The following TPST2 variants were observed in gnomAD, a reference collection of about 807,000 sequenced individuals.
TPST2 encodes the protein tyrosylprotein sulfotransferase 2, also known as protein-tyrosine sulfotransferase 2.
TPST2 carries 16 observed loss-of-function variants against 27.8 expected under a neutral mutation model. The ratio of observed to expected loss-of-function variants is 0.58; its 90% CI spans 0.39 to 0.88. TPST2 has a LOEUF of 0.88. TPST2 is among the 40% of genes least tolerant of loss of function. TPST2 has a pLI of 0.00. For synonymous variants in TPST2, 229 were observed against 231.7 expected (o/e 0.99, Z 0.10); for missense variants, 464 against 543.1 (o/e 0.85, Z 1.45).
At position 26,540,848 on chromosome 22, in the gene TPST2, G is replaced by A. The variant is rs760020260; in HGVS notation, c.783C>T (p.Ser261=). The part of the protein sequence containing the change: ...LILDFLGIAW[S]DAVLHHEDLI... ...GGTCTTCATGGTGGAGGACAGCGTC[G>A]CTCCAGGCGATGCCGAGGAAGTCGA... is the stretch of plus-strand genomic sequence containing the variant. Residue 261 remains serine (S), a synonymous_variant, in exon 3 of 7, where the codon AGC becomes AGT. Coordinates refer to ENST00000338754, the MANE Select transcript of TPST2 (RefSeq NM_003595.5). 18 of 1,613,674 alleles carry A rather than the reference G, an allele frequency of 1.1e-5. No homozygotes were observed. Among genetic ancestry groups the A allele is most frequent in the African/African-American group, 4.0e-5 (3 of 75,052 alleles).
chr22:26,589,124 G>C (rs1392629747), intron 1 of TPST2, among the ~76,000 whole-genome samples: 1 of 152,124 alleles, frequency 6.6e-6, no homozygotes, highest in Non-Finnish European at 1.5e-5. Context: ...GTGAGTTTCA[G>C]CTCTGCCACA....
chr22:26,542,769 G>A (rs976980957), intron 2 of TPST2, among the ~76,000 whole-genome samples: 1 of 152,202 alleles, frequency 6.6e-6, no homozygotes, highest in Admixed American at 6.5e-5. Context: ...AGGAAAGGAT[G>A]CAGCACGACT....
At chr22:26,580,644 C>T (rs975415614) in intron 1 of TPST2, among the ~76,000 whole-genome samples, 23 of 152,158 alleles carry the variant, frequency 1.5e-4, no homozygotes, top group African/African-American at 5.1e-4. Context: ...TAAAACATGC[C>T]CTAATTAAAA....
Position 26,529,001 on chromosome 22 carries a change from C to A in TPST2, c.1093-739G>T, listed in dbSNP as rs1416145027. Among the ~76,000 whole-genome samples, 260 of 147,208 alleles carry A rather than the reference C, an allele frequency of 1.8e-3. 1 individual carries two copies. Among genetic ancestry groups the A allele is most frequent in the Middle Eastern group, 0.01 (3 of 286 alleles). On this transcript the variant is annotated intron_variant, in intron 5 of 6. Coordinates refer to ENST00000338754, the MANE Select transcript of TPST2 (RefSeq NM_003595.5). Reference sequence around the variant, plus strand: ...GGTATCAAAAAAACAAAAACAAAAACAAAAAAAAAACAAAACGTATCTTTT... The same window carrying A: ...GGTATCAAAAAAACAAAAACAAAAAAAAAAAAAAAACAAAACGTATCTTTT...
At chr22:26,544,836 C>T (rs892196188) in intron 1 of TPST2, among the ~76,000 whole-genome samples, 161 bp from the exon 2 acceptor site, 5 of 152,184 alleles carry the variant, frequency 3.3e-5, no homozygotes, top group African/African-American at 7.2e-5. Flanking sequence ...GCTCAAGATA[C>T]CACAGCTGGA....
intron 1 of TPST2, among the ~76,000 whole-genome samples, chr22:26,582,972 T>C (rs771131574): frequency 6.6e-6 from 1 of 151,622 alleles, no homozygotes; most frequent in African/African-American, 2.4e-5. Flanking sequence ...ACAGGGAGTA[T>C]GCAATGGGGA....
intron 1 of TPST2, among the ~76,000 whole-genome samples, chr22:26,561,386 A>T (rs1927083727): frequency 6.6e-6 from 1 of 152,174 alleles, no homozygotes; most frequent in African/African-American, 2.4e-5. Context: ...CTGGTACAGT[A>T]TGGGGGCTGT....
chr22:26,537,722 G>C (rs1377566001), intron 3 of TPST2, among the ~76,000 whole-genome samples: 1 of 152,098 alleles, frequency 6.6e-6, no homozygotes, highest in Admixed American at 6.6e-5. Context: ...CAAAGTGCTG[G>C]GATTCCAGAC....
chr22:26,560,951 G>C (rs1927056625), intron 1 of TPST2: 1 of 1,609,912 alleles, frequency 6.2e-7, no homozygotes, highest in African/African-American at 1.3e-5. Context: ...ATGACAAGCA[G>C]CCTTATGAAA....
At position 26,522,992 on chromosome 22, in the gene TPST2, T is replaced by C. The variant is rs1924636243; in HGVS notation, c.*3283A>G. On this transcript the variant is annotated 3_prime_UTR_variant, in exon 7 of 7. Transcript: ENST00000338754. ...GAAAGGACTGCTTGAGCCCAGGAGT[T>C]AGAGGTTGCAGTGAGCTGTGTTTGC... 1.3e-5 allele frequency: 2 copies of C among 152,002 alleles called. No homozygotes were observed. Among genetic ancestry groups the C allele is most frequent in the South Asian group, 4.2e-4 (2 of 4,794 alleles). The allele number at this position is 152,002 out of a possible 1,614,324, so 9.4% of individuals were successfully genotyped here.
chr22:26,530,834 ACC>A (rs918405373), intron 5 of TPST2, among the ~76,000 whole-genome samples: 3 of 151,998 alleles, frequency 2.0e-5, no homozygotes, highest in Admixed American at 6.6e-5. Flanking sequence ...ACATGGCGAA[ACC>A]CCTTTCTACT....
At chr22:26,555,302 G>C (rs780586827) in intron 1 of TPST2, 4 of 518,222 alleles carry the variant, frequency 7.7e-6, no homozygotes, top group Non-Finnish European at 1.5e-5. Flanking sequence ...TTTTGCACCA[G>C]CTAACTATTC....
At chr22:26,581,019 TACACACACAC>T (rs10540036) in intron 1 of TPST2, among the ~76,000 whole-genome samples, 3,858 of 120,176 alleles carry the variant, frequency 0.032, 190 homozygotes, top group African/African-American at 0.097. Context: ...TCAACATACA[TACACACACAC>T]ACACACACAC....
intron 5 of TPST2, among the ~76,000 whole-genome samples, chr22:26,530,247 G>C (rs1430163290): frequency 6.6e-6 from 1 of 152,040 alleles, no homozygotes; most frequent in African/African-American, 2.4e-5. Context: ...CCTGCGTGTT[G>C]CCTTTTTTTG....
chr22:26,586,236 CTTTT>C (rs907915657), intron 1 of TPST2, among the ~76,000 whole-genome samples: 2 of 151,754 alleles, frequency 1.3e-5, no homozygotes, highest in Non-Finnish European at 2.9e-5. Context: ...TTCTTTCTTT[CTTTT>C]TTTAATATTT....
chr22:26,558,162 C>T (rs1602283379), intron 1 of TPST2, among the ~76,000 whole-genome samples: 1 of 109,872 alleles, frequency 9.1e-6, no homozygotes, highest in South Asian at 3.2e-4. Context: ...CACACACACA[C>T]ACACATATAT....
intron 1 of TPST2, among the ~76,000 whole-genome samples, chr22:26,577,360 T>C (rs1927890467): frequency 6.6e-6 from 1 of 151,778 alleles, no homozygotes; most frequent in African/African-American, 2.4e-5. Flanking sequence ...TCTTTTTTTT[T>C]TTGAGACAAG....
In TPST2 at chr22:26,582,243, A is replaced by G. The variant is rs371033636; in HGVS notation, c.-161+7810T>C. Reference sequence around the variant, plus strand: ...GGAGTTTGAGACCAGGCTGGCCAACACAGTGAAATCCCGTCTCCACTAAAA... The same window carrying G: ...GGAGTTTGAGACCAGGCTGGCCAACGCAGTGAAATCCCGTCTCCACTAAAA... On this transcript the variant is annotated intron_variant, in intron 1 of 6. Coordinates refer to ENST00000338754, the MANE Select transcript of TPST2 (RefSeq NM_003595.5). 2.6e-5 allele frequency among the ~76,000 whole-genome samples: 4 copies of G among 152,168 alleles called. No homozygotes were observed. In the East Asian group the frequency reaches 7.7e-4, roughly 29 times the overall value.
chr22:26,563,608 C>A (rs1056971446), intron 1 of TPST2, among the ~76,000 whole-genome samples: 1 of 151,860 alleles, frequency 6.6e-6, no homozygotes, highest in Non-Finnish European at 1.5e-5. Flanking sequence ...GGATTACAGG[C>A]GTGAGCCACC....
Sources: allele counts gnomAD v4.1 joint callset (sites outside exome capture counted in the v4.1 genomes callset), GRCh38; gene constraint gnomAD v4.1.1; transcripts MANE v1.5; gene names NCBI Gene and HGNC (gene_info 2026-07-23, HGNC 2026-07-21).